AGBL4: variants seen among roughly 807,000 people sequenced by gnomAD.
AGBL4 encodes the protein cytosolic carboxypeptidase 6.
In AGBL4, 58 loss-of-function variants were observed where a neutral mutation model predicts 66.4. The observed-to-expected ratio is 0.87, with a 90% CI of 0.71 to 1.09. The LOEUF (loss-of-function observed/expected upper bound fraction) is 1.09, where lower values mean the gene tolerates loss of function less well. Among genes scored for constraint, AGBL4 ranks in the 50% least tolerant of loss-of-function variants. The pLI is 0.00. For missense variants in AGBL4, 579 were observed against 631.0 expected, an observed-to-expected ratio of 0.92 and a Z score of 0.88; for synonymous variants, 234 against 222.9, an observed-to-expected ratio of 1.05 and a Z score of -0.44.
intron 2 of AGBL4, among the ~76,000 whole-genome samples, chr1:49,826,320 A>G (rs992915518): frequency 6.6e-6 from 1 of 152,242 alleles, no homozygotes; most frequent in African/African-American, 2.4e-5. Context: ...AATCTGCCCT[A>G]TGAGACATTC....
intron 2 of AGBL4, among the ~76,000 whole-genome samples, chr1:49,837,761 C>T (rs929853074): frequency 1.3e-5 from 2 of 152,150 alleles, no homozygotes; most frequent in Non-Finnish European, 2.9e-5. Flanking sequence ...AGGAGAATGG[C>T]GTGAACCTGA....
chr1:49,588,857 G>GGATT (rs1288441470), intron 3 of AGBL4, among the ~76,000 whole-genome samples: 2 of 152,110 alleles, frequency 1.3e-5, no homozygotes, highest in Admixed American at 1.3e-4. Context: ...AGACACATAG[G>GGATT]GATTGATTAA....
At chr1:49,467,696 A>G (rs1646659655) in intron 3 of AGBL4, among the ~76,000 whole-genome samples, 1 of 151,888 alleles carries the variant, frequency 6.6e-6, no homozygotes, top group Admixed American at 6.6e-5. Context: ...GAGTTTCCTT[A>G]TGATTAAAAT....
intron 6 of AGBL4, among the ~76,000 whole-genome samples, chr1:48,693,718 T>C (rs1646670179): frequency 6.6e-6 from 1 of 151,986 alleles, no homozygotes; most frequent in African/African-American, 2.4e-5. Flanking sequence ...CATTTCTCGG[T>C]CACTTCACAG....
intron 2 of AGBL4, among the ~76,000 whole-genome samples, chr1:49,802,663 G>A (rs953667944): frequency 1.6e-4 from 25 of 151,644 alleles, no homozygotes; most frequent in Admixed American, 3.9e-4. Flanking sequence ...ACCTACCCCC[G>A]CCCTCACTAA....
At chr1:49,927,360 T>A (rs1002215279) in intron 1 of AGBL4, among the ~76,000 whole-genome samples, 2 of 152,146 alleles carry the variant, frequency 1.3e-5, no homozygotes, top group Non-Finnish European at 2.9e-5. Context: ...AAGTTCCACA[T>A]GGCCATGGAG....
At chr1:48,647,644 TGTTG>T (rs1396898764) in intron 8 of AGBL4, 1 of 442,646 alleles carries the variant, frequency 2.3e-6, no homozygotes, top group Admixed American at 2.6e-5. Context: ...GGTTTCATAT[TGTTG>T]TACGGAGATG....
chr1:49,122,139 G>T (rs1158278031), intron 4 of AGBL4, among the ~76,000 whole-genome samples: 3 of 152,218 alleles, frequency 2.0e-5, no homozygotes, highest in Non-Finnish European at 4.4e-5. Context: ...GCTAGGAAAG[G>T]GAAATCCCTC....
chr1:48,771,711 C>A (rs183497214), intron 6 of AGBL4, among the ~76,000 whole-genome samples: 2 of 152,162 alleles, frequency 1.3e-5, no homozygotes, highest in Non-Finnish European at 2.9e-5. Context: ...CATATGAAAT[C>A]GGCTAGTCCT....
At chr1:49,668,449 G>A (rs1254824508) in intron 3 of AGBL4, among the ~76,000 whole-genome samples, 4 of 152,054 alleles carry the variant, frequency 2.6e-5, no homozygotes, top group South Asian at 2.1e-4. Flanking sequence ...TTATTATTAC[G>A]GAAATAAATT....
intron 11 of AGBL4, among the ~76,000 whole-genome samples, chr1:48,559,320 C>T (rs1644363664): frequency 6.6e-6 from 1 of 152,126 alleles, no homozygotes. Flanking sequence ...CAGTTAGTAC[C>T]TGTATGCAGG....
chr1:49,825,964 A>G (rs1469341215), intron 2 of AGBL4, among the ~76,000 whole-genome samples: 1 of 152,126 alleles, frequency 6.6e-6, no homozygotes. Context: ...AAAAAAAAAC[A>G]AAACTTACAA....
At position 49,881,386 on chromosome 1, in the gene AGBL4, C is replaced by A. The variant is rs555328595; in HGVS notation, c.35-29868G>T. 3.9e-5 allele frequency among the ~76,000 whole-genome samples: 6 copies of A among 152,234 alleles called. No individual in the cohort carries two copies. In the South Asian group the frequency reaches 8.3e-4, roughly 21 times the overall value. ...CTTTACAGCAGCATGATTTATAGTC[C>A]TCTGGGTATATACCCAGTAATGGGA... On this transcript the variant is annotated intron_variant, in intron 1 of 13. Coordinates refer to ENST00000371839, the MANE Select transcript of AGBL4 (RefSeq NM_032785.4).
intron 5 of AGBL4, among the ~76,000 whole-genome samples, chr1:49,010,610 C>T (rs1252179587): frequency 7.3e-6 from 1 of 136,212 alleles, no homozygotes; most frequent in Non-Finnish European, 1.6e-5. Context: ...GGAGGCATCA[C>T]ACTACCTGAC....
At chr1:49,483,634 C>T (rs1398755587) in intron 3 of AGBL4, among the ~76,000 whole-genome samples, 2 of 151,930 alleles carry the variant, frequency 1.3e-5, no homozygotes, top group Non-Finnish European at 1.5e-5. Context: ...CTACCTTAAA[C>T]TATAAAACTA....
At chr1:48,644,927 C>G (rs1486221435) in intron 8 of AGBL4, among the ~76,000 whole-genome samples, 2 of 152,164 alleles carry the variant, frequency 1.3e-5, no homozygotes, top group Non-Finnish European at 2.9e-5. Flanking sequence ...CTCCAGACTC[C>G]CTAGCTGCTA....
chr1:49,093,537 C>G (rs1557634613), intron 4 of AGBL4, among the ~76,000 whole-genome samples: 1 of 152,060 alleles, frequency 6.6e-6, no homozygotes, highest in Admixed American at 6.6e-5. Context: ...CATTACAGTA[C>G]AGTGTAAGCA....
intron 6 of AGBL4, among the ~76,000 whole-genome samples, chr1:48,810,922 C>T (rs571510972): frequency 7.9e-5 from 12 of 152,156 alleles, no homozygotes; most frequent in Admixed American, 5.2e-4. Flanking sequence ...CCAGGTTTTC[C>T]CACATGCTGA....
intron 1 of AGBL4, among the ~76,000 whole-genome samples, chr1:49,885,859 A>T (rs1647976966): frequency 6.6e-6 from 1 of 152,178 alleles, no homozygotes; most frequent in Admixed American, 6.5e-5. Flanking sequence ...TTCAGTACAG[A>T]CAATATAGTT....
Sources: gnomAD v4.1 joint callset for allele counts (sites outside exome capture counted in the v4.1 genomes callset) on GRCh38, gnomAD v4.1.1 for gene constraint, MANE v1.5 for transcripts, NCBI Gene and HGNC (gene_info 2026-07-23, HGNC 2026-07-21) for gene names.